Variants in FRMD4A observed in about 807,000 individuals in gnomAD.
FRMD4A encodes the protein FERM domain containing 4A.
A neutral mutation model predicts 129.1 loss-of-function variants in FRMD4A; 29 were observed. The observed-to-expected ratio is 0.22, with a 90% CI of 0.17 to 0.31. The LOEUF (loss-of-function observed/expected upper bound fraction) is 0.31. FRMD4A is among the 10% of genes least tolerant of loss of function. The probability of loss-of-function intolerance (pLI) is 1.00; values close to 1 mark genes in which losing one functional copy is unlikely to be tolerated. For synonymous variants in FRMD4A, 634 were observed against 571.6 expected (o/e 1.11, Z -1.56); for missense variants, 1,272 against 1,375.8 (o/e 0.92, Z 1.19).
chr10:13,785,406 GC>G (rs1406684249), intron 5 of FRMD4A, among the ~76,000 whole-genome samples: 4 of 152,076 alleles, frequency 2.6e-5, no homozygotes, highest in Non-Finnish European at 5.9e-5. Flanking sequence ...CCAAGCACCT[GC>G]CCCCTGCTTC....
At chr10:13,701,538 G>A in intron 13 of FRMD4A, 60 bp from the exon 14 acceptor site, 12 of 1,527,098 alleles carry the variant, frequency 7.9e-6, no homozygotes, top group Non-Finnish European at 9.9e-6. Context: ...CCATTTCTCA[G>A]TCAACAGCTT....
At chr10:13,979,338 A>G (rs1205202311) in intron 2 of FRMD4A, among the ~76,000 whole-genome samples, 1 of 152,210 alleles carries the variant, frequency 6.6e-6, no homozygotes, top group Admixed American at 6.5e-5. Context: ...AGAGAAGGGC[A>G]GGTGGGCCTA....
At chr10:14,044,586 G>A (rs1025169979) in intron 2 of FRMD4A, among the ~76,000 whole-genome samples, 4 of 152,216 alleles carry the variant, frequency 2.6e-5, no homozygotes, top group African/African-American at 9.7e-5. Flanking sequence ...GCCCAGGAAT[G>A]CCAAGGACTG....
chr10:13,732,879 C>G (rs1235113483), intron 12 of FRMD4A, among the ~76,000 whole-genome samples: 1 of 152,246 alleles, frequency 6.6e-6, no homozygotes, highest in Non-Finnish European at 1.5e-5. Flanking sequence ...TCTGAGTTTT[C>G]AAAGCACAGA....
intron 2 of FRMD4A, among the ~76,000 whole-genome samples, chr10:13,881,291 T>C (rs1036007589): frequency 1.0e-4 from 15 of 146,170 alleles, no homozygotes; most frequent in Non-Finnish European, 1.6e-4. Flanking sequence ...GGCATGGTGG[T>C]GCATGCCTGT....
chr10:14,055,462 A>AAACACACACACACAC (rs1834476848), intron 2 of FRMD4A, among the ~76,000 whole-genome samples: 30 of 77,502 alleles, frequency 3.9e-4, no homozygotes, highest in African/African-American at 1.7e-3. Context: ...CACACACACA[A>AAACACACACACACAC]ACACACACAC....
intron 2 of FRMD4A, among the ~76,000 whole-genome samples, chr10:14,049,727 C>T (rs895152867): frequency 2.0e-5 from 3 of 152,052 alleles, no homozygotes; most frequent in Non-Finnish European, 4.4e-5. Context: ...TGGTGGCGCT[C>T]GCCTAGAATC....
chr10:13,865,244 A>G (rs906041246), intron 2 of FRMD4A, among the ~76,000 whole-genome samples: 10 of 152,098 alleles, frequency 6.6e-5, no homozygotes. Flanking sequence ...AATGTTTGGA[A>G]ATTTCTTAGT....
chr10:14,134,159 C>G (rs188964221), intron 2 of FRMD4A, among the ~76,000 whole-genome samples: 2 of 152,078 alleles, frequency 1.3e-5, no homozygotes, highest in East Asian at 3.8e-4. Context: ...ACCATTTTCT[C>G]TTTGTCTTTT....
chr10:14,199,309 T>A (rs1011540668), intron 2 of FRMD4A, among the ~76,000 whole-genome samples: 1 of 150,356 alleles, frequency 6.7e-6, no homozygotes, highest in Non-Finnish European at 1.5e-5. Flanking sequence ...TTTATTTATT[T>A]ATTTATTTAT....
At chr10:13,732,592 G>A (rs1017879507) in intron 12 of FRMD4A, among the ~76,000 whole-genome samples, 3 of 152,180 alleles carry the variant, frequency 2.0e-5, no homozygotes, top group Non-Finnish European at 2.9e-5. Context: ...GTCTGCCGCC[G>A]GGCAGGAGCA....
chr10:14,128,105 T>G (rs867926673), intron 2 of FRMD4A, among the ~76,000 whole-genome samples: 1 of 126,880 alleles, frequency 7.9e-6, no homozygotes, highest in Non-Finnish European at 1.7e-5. Context: ...TCTTTCTTTC[T>G]TTTCTTTTCT....
chr10:13,798,369 G>A (rs78303871), intron 4 of FRMD4A, among the ~76,000 whole-genome samples: 4,280 of 151,922 alleles, frequency 0.028, 133 homozygotes, highest in East Asian at 0.083. Context: ...CTGAGATCGC[G>A]CCATTGCACT....
chr10:13,925,465 G>T (rs1452398662), intron 2 of FRMD4A, among the ~76,000 whole-genome samples: 1 of 149,634 alleles, frequency 6.7e-6, no homozygotes, highest in Non-Finnish European at 1.5e-5. Flanking sequence ...ACAAAAGGCA[G>T]CATGCAAATG....
At chr10:14,160,123 A>C (rs998620006) in intron 2 of FRMD4A, among the ~76,000 whole-genome samples, 2 of 152,190 alleles carry the variant, frequency 1.3e-5, no homozygotes, top group South Asian at 2.1e-4. Flanking sequence ...CACATATATC[A>C]ATGGAATGGA....
chr10:14,039,386 CCA>C (rs1565204439), intron 2 of FRMD4A, among the ~76,000 whole-genome samples: 33 of 125,428 alleles, frequency 2.6e-4, no homozygotes, highest in African/African-American at 9.2e-4. Context: ...ATCCATCCAT[CCA>C]TCCATCCATC....
intron 6 of FRMD4A, among the ~76,000 whole-genome samples, chr10:13,776,192 C>T (rs2092593285): frequency 6.6e-6 from 1 of 152,148 alleles, no homozygotes; most frequent in South Asian, 2.1e-4. Flanking sequence ...CTCACTGCAA[C>T]CTCCGCCTTT....
chr10:14,303,346 A>T (rs1218196248), intron 2 of FRMD4A, among the ~76,000 whole-genome samples: 1 of 152,178 alleles, frequency 6.6e-6, no homozygotes, highest in Non-Finnish European at 1.5e-5. Context: ...GAGACCCAAG[A>T]TTCTGCATTT....
At chr10:13,794,999 G>T (rs1389242155) in intron 5 of FRMD4A, among the ~76,000 whole-genome samples, 1 of 152,186 alleles carries the variant, frequency 6.6e-6, no homozygotes. Flanking sequence ...AAGCTCTCCT[G>T]CAAGGACGTC....
Sources: allele counts gnomAD v4.1 joint callset (sites outside exome capture counted in the v4.1 genomes callset), GRCh38; gene constraint gnomAD v4.1.1; transcripts MANE v1.5; gene names NCBI Gene and HGNC (gene_info 2026-07-23, HGNC 2026-07-21).